ANKRD11: variants seen among roughly 807,000 people sequenced by gnomAD.
ANKRD11 encodes ankyrin repeat domain-containing protein 11.
Under a neutral mutation model 195.7 loss-of-function variants are expected in ANKRD11, and 17 were observed. That is an observed-to-expected ratio of 0.09 (90% CI 0.06 to 0.13). The LOEUF (loss-of-function observed/expected upper bound fraction) is 0.13, where lower values mean the gene tolerates loss of function less well. Ranked by LOEUF, ANKRD11 falls within the 10% of genes least tolerant of loss-of-function variation. The pLI is 1.00. For missense variants in ANKRD11, 3,735 were observed against 3,566.1 expected (o/e 1.05, Z -1.21); for synonymous variants, 1,953 against 1,528.1 (o/e 1.28, Z -6.49).
chr16:89,349,435 G>A (rs1352166146), intron 2 of ANKRD11, among the ~76,000 whole-genome samples: 3 of 152,108 alleles, frequency 2.0e-5, no homozygotes, highest in East Asian at 1.9e-4. Flanking sequence ...AGCTGAGATC[G>A]CGCCACTGCA....
chr16:89,363,337 G>C (rs114644784), intron 2 of ANKRD11, among the ~76,000 whole-genome samples: 1 of 152,142 alleles, frequency 6.6e-6, no homozygotes. Context: ...CAGCCAAGGA[G>C]TAAGATTCAG....
intron 1 of ANKRD11, among the ~76,000 whole-genome samples, chr16:89,457,883 G>C (rs2056506376): frequency 6.6e-6 from 1 of 152,104 alleles, no homozygotes; most frequent in East Asian, 1.9e-4. Context: ...CACAAGTGTG[G>C]AGCTGAATGG....
Position 89,284,191 on chromosome 16 carries a change from T to C in ANKRD11, c.2351A>G (p.Glu784Gly). The C allele has an allele frequency of 6.2e-7, 1 of 1,606,796 alleles. No individual in the cohort carries two copies. Among genetic ancestry groups the C allele is most frequent in the East Asian group, 2.2e-5 (1 of 44,878 alleles). The change falls in exon 9 of 13, where the codon GAG becomes GGG. Residue 784 changes from glutamate to glycine, a missense_variant. Physicochemically the swap from Glu to Gly is moderately conservative, Grantham distance 98. Transcript: ENST00000301030. ...SKLEKKNDLK[E>G]DKISKEKEKI... Reference sequence around the variant, plus strand: ...CTCCTTCTCTTTTGAAATTTTGTCCTCTTTTAAATCATTCTTCTTCTCTAA... The same window carrying C: ...CTCCTTCTCTTTTGAAATTTTGTCCCCTTTTAAATCATTCTTCTTCTCTAA...
At position 89,281,914 on chromosome 16, in the gene ANKRD11, C is replaced by A; in HGVS notation, c.4628G>T (p.Gly1543Val). The A allele has an allele frequency of 6.2e-7, 1 of 1,613,426 alleles. No individual in the cohort carries two copies. The highest frequency in any genetic ancestry group is 8.5e-7 in the Non-Finnish European group (1 of 1,180,038). Residue 1543 changes from glycine to valine, a missense_variant, in exon 9 of 13, where the codon GGC becomes GTC. Transcript: ENST00000301030. The surrounding 1 kb of genome is among the most constrained non-coding windows in gnomAD (Gnocchi z 5.5). ...CCCGTTGCTCATCTTCACTGGGTCG[C>A]CCTTTTCTTTCTCTGCACCGTCCTT... is the stretch of plus-strand genomic sequence containing the variant. ...KFKDGAEKEK[G>V]DPVKMSNGND...
chr16:89,490,165 G>C (rs1448796334), intron 1 of ANKRD11, 80 bp downstream of exon 1: 8 of 149,238 alleles, frequency 5.4e-5, no homozygotes, highest in Non-Finnish European at 9.0e-5. Flanking sequence ...CGTCGCCGGG[G>C]AAGGCCTGCA....
At chr16:89,405,790 C>T (rs542098002) in intron 2 of ANKRD11, among the ~76,000 whole-genome samples, 2 of 152,146 alleles carry the variant, frequency 1.3e-5, no homozygotes, top group African/African-American at 4.8e-5. Context: ...ATTCCTCACA[C>T]CTTCCCCCAG....
chr16:89,403,312 C>T lies in ANKRD11; in HGVS notation c.-60+14972G>A, dbSNP rs984387601. On this transcript the variant is annotated intron_variant, in intron 2 of 12. Coordinates refer to ENST00000301030, the MANE Select transcript of ANKRD11 (RefSeq NM_013275.6). Reference sequence around the variant, plus strand: ...AGCAATCCTGTGTGGCCTGCTCCCCCCTCCTGACCGGCCCCTCCTGACTGG... The same window carrying T: ...AGCAATCCTGTGTGGCCTGCTCCCCTCTCCTGACCGGCCCCTCCTGACTGG... Among the ~76,000 whole-genome samples, 5 of 152,180 alleles carry T rather than the reference C, an allele frequency of 3.3e-5. No homozygotes were observed. In the East Asian group the frequency reaches 7.7e-4, roughly 23 times the overall value.
intron 4 of ANKRD11, among the ~76,000 whole-genome samples, chr16:89,304,198 T>C (rs1466981118): frequency 6.6e-6 from 1 of 152,120 alleles, no homozygotes; most frequent in Non-Finnish European, 1.5e-5. Flanking sequence ...CAGAATCCAC[T>C]GGGAAGGTGT....
chr16:89,411,720 C>G (rs1036115920), intron 2 of ANKRD11, among the ~76,000 whole-genome samples: 1 of 152,148 alleles, frequency 6.6e-6, no homozygotes, highest in Non-Finnish European at 1.5e-5. Flanking sequence ...CCACCACTAT[C>G]CCCTTGTTGA....
rs557269749 is a variant in ANKRD11 at position 89,465,484 on chromosome 16, G to A, written c.-145+24761C>T. On this transcript the variant is annotated intron_variant, in intron 1 of 12. Transcript: ENST00000301030. Reference sequence around the variant, plus strand: ...TGCCGTGAAGAGCAGACAGTCCATCGAGGCCTTTCTGTGCCACACCGCCCG... The same window carrying A: ...TGCCGTGAAGAGCAGACAGTCCATCAAGGCCTTTCTGTGCCACACCGCCCG... Among the ~76,000 whole-genome samples, 5 of 152,250 alleles carry A rather than the reference G, an allele frequency of 3.3e-5. No homozygotes were observed. In the South Asian group the frequency reaches 8.3e-4, roughly 25 times the overall value.
intron 10 of ANKRD11, 27 bp from the exon 11 acceptor site, chr16:89,274,984 C>T (rs1308167888): frequency 1.9e-6 from 3 of 1,612,638 alleles, no homozygotes; most frequent in South Asian, 1.1e-5. Flanking sequence ...GTAGAGTGAG[C>T]TGGGACACAG....
At chr16:89,434,730 T>A (rs1301381828) in intron 1 of ANKRD11, among the ~76,000 whole-genome samples, 1 of 152,228 alleles carries the variant, frequency 6.6e-6, no homozygotes, top group Non-Finnish European at 1.5e-5. Flanking sequence ...GTCTCAGGAC[T>A]CTAGCCAAGG....
intron 2 of ANKRD11, among the ~76,000 whole-genome samples, chr16:89,352,354 C>T (rs1315840225): frequency 6.6e-6 from 1 of 151,680 alleles, no homozygotes; most frequent in Non-Finnish European, 1.5e-5. Flanking sequence ...GGGGTCTAGG[C>T]ACCGCAATGT....
At chr16:89,416,448 G>C (rs144429088) in intron 2 of ANKRD11, among the ~76,000 whole-genome samples, 1 of 151,986 alleles carries the variant, frequency 6.6e-6, no homozygotes, top group Non-Finnish European at 1.5e-5. Context: ...ACAGGCATTC[G>C]CCACCACGTC....
chr16:89,427,928 A>C (rs1274357040), intron 1 of ANKRD11, among the ~76,000 whole-genome samples: 3 of 152,068 alleles, frequency 2.0e-5, no homozygotes, highest in Admixed American at 2.0e-4. Context: ...AAGGTTTAAA[A>C]TTCTTCAATA....
intron 2 of ANKRD11, among the ~76,000 whole-genome samples, chr16:89,325,746 C>T (rs889471205): frequency 1.3e-5 from 2 of 152,182 alleles, no homozygotes; most frequent in African/African-American, 4.8e-5. Flanking sequence ...CTGAAGCAGT[C>T]TTTCAGAAGG....
At chr16:89,424,271 G>A (rs550774637) in intron 1 of ANKRD11, among the ~76,000 whole-genome samples, 7 of 152,028 alleles carry the variant, frequency 4.6e-5, no homozygotes, top group African/African-American at 1.2e-4. Context: ...GAGAAACCCC[G>A]TCTGTACTAA....
chr16:89,345,487 G>C (rs1475794243), intron 2 of ANKRD11, among the ~76,000 whole-genome samples: 1 of 152,212 alleles, frequency 6.6e-6, no homozygotes, highest in Non-Finnish European at 1.5e-5. Flanking sequence ...CAAGCACGGA[G>C]GCAGAGACCA....
At chr16:89,479,564 G>A (rs2057373227) in intron 1 of ANKRD11, among the ~76,000 whole-genome samples, 1 of 151,958 alleles carries the variant, frequency 6.6e-6, no homozygotes, top group African/African-American at 2.4e-5. Context: ...GAACCCAGGA[G>A]GCGGAGGTTG....
Sources: gnomAD v4.1 joint callset for allele counts (sites outside exome capture counted in the v4.1 genomes callset) on GRCh38, gnomAD v4.1.1 for gene constraint, Gnocchi (gnomAD v3.1) non-coding constraint, MANE v1.5 for transcripts, NCBI Gene and HGNC (gene_info 2026-07-23, HGNC 2026-07-21) for gene names.